The following APPBP2 variants were observed in gnomAD, a reference collection of about 807,000 sequenced individuals.
APPBP2 encodes the protein amyloid protein-binding protein 2.
Under a neutral mutation model 76.0 loss-of-function variants are expected in APPBP2, and 15 were observed. The observed-to-expected ratio is 0.20, with a 90% confidence interval of 0.13 to 0.30. APPBP2 has a LOEUF of 0.30. Among genes scored for constraint, APPBP2 ranks in the 10% least tolerant of loss-of-function variants. APPBP2 has a pLI of 1.00. For missense variants in APPBP2, 401 were observed against 687.2 expected, an observed-to-expected ratio of 0.58 and a Z score of 4.66; for synonymous variants, 222 against 242.2, an observed-to-expected ratio of 0.92 and a Z score of 0.77.
At chr17:60,520,989 C>T (rs576623842) in intron 1 of APPBP2, among the ~76,000 whole-genome samples, 101 of 152,220 alleles carry the variant, frequency 6.6e-4, no homozygotes, top group African/African-American at 2.2e-3. Flanking sequence ...TTCACAGGCA[C>T]GACCGCAGCT....
chr17:60,472,600 G>C (rs913561246), intron 4 of APPBP2, among the ~76,000 whole-genome samples: 7 of 152,184 alleles, frequency 4.6e-5, no homozygotes. Context: ...GAGGACATCA[G>C]TGTGAGAGTG....
chr17:60,447,737 A>G lies in APPBP2; in HGVS notation c.1602T>C (p.Phe534=). The G allele has an allele frequency of 6.2e-7, 1 of 1,614,162 alleles. No homozygotes were observed. ...AGTTAGACAGAACATTGTGATATTCAAACACTTTCTCGTAATTTCCAATGG... is the reference window on the plus strand; with the variant it reads ...AGTTAGACAGAACATTGTGATATTCGAACACTTTCTCGTAATTTCCAATGG... ...YNSIGNYEKV[F]EYHNVLSNWN... The change falls in exon 13 of 13, where the codon TTT becomes TTC. Residue 534 remains phenylalanine, a synonymous_variant. Transcript: ENST00000083182.
intron 12 of APPBP2, among the ~76,000 whole-genome samples, chr17:60,450,095 C>A (rs1043530384): frequency 7.9e-5 from 12 of 151,452 alleles, no homozygotes; most frequent in Non-Finnish European, 1.6e-4. Context: ...CCGTGCCTGG[C>A]TGAAAAGATT....
intron 1 of APPBP2, among the ~76,000 whole-genome samples, chr17:60,507,809 A>G (rs2090880530): frequency 1.3e-5 from 2 of 152,018 alleles, no homozygotes; most frequent in Non-Finnish European, 2.9e-5. Flanking sequence ...CATGTTTTTG[A>G]ATCAGGGTCT....
chr17:60,447,362 C>T lies in APPBP2; in HGVS notation c.*219G>A, dbSNP rs960492800. On this transcript the variant is annotated 3_prime_UTR_variant, in exon 13 of 13. Transcript: ENST00000083182. ...TGTTCTACTAGGTTGAAAATGTGGG[C>T]CAGACTACTTACACATGCGGTACAT... The T allele has an allele frequency of 7.4e-6, 3 of 404,196 alleles. No individual in the cohort carries two copies. Among genetic ancestry groups the T allele is most frequent in the Admixed American group, 4.2e-5 (1 of 23,812 alleles). 25.0% of individuals were successfully genotyped at this position (404,196 alleles called of 1,614,324 possible).
At position 60,519,446 on chromosome 17, in the gene APPBP2, C is replaced by CA. The variant is rs1187878331; in HGVS notation, c.138+6347dup. ...CAAAGTGAGATACGGTCGGTCTCTA[C>CA]AAAAAAAAAATTTTTAAGGTTTTTT... On this transcript the variant is annotated intron_variant, in intron 1 of 12. Transcript: ENST00000083182. Among the ~76,000 whole-genome samples the CA allele has an allele frequency of 6.4e-3, 951 of 148,846 alleles. 9 individuals are homozygous for CA. Among genetic ancestry groups the CA allele is most frequent in the African/African-American group, 0.022 (885 of 40,954 alleles).
intron 11 of APPBP2, among the ~76,000 whole-genome samples, chr17:60,454,061 C>G (rs1223802515): frequency 6.6e-6 from 1 of 151,984 alleles, no homozygotes; most frequent in Non-Finnish European, 1.5e-5. Flanking sequence ...CAGGGTCTCC[C>G]TATGTTGTCC....
intron 4 of APPBP2, among the ~76,000 whole-genome samples, chr17:60,467,463 C>T (rs980147956): frequency 3.9e-5 from 6 of 152,056 alleles, no homozygotes; most frequent in Non-Finnish European, 7.4e-5. Context: ...TCCAAAGAAC[C>T]AGGACTAATC....
chr17:60,485,938 G>C (rs2090673639), intron 3 of APPBP2, among the ~76,000 whole-genome samples: 1 of 152,120 alleles, frequency 6.6e-6, no homozygotes, highest in Admixed American at 6.6e-5. Flanking sequence ...CTTTATTTCT[G>C]CCTTCATTTC....
At chr17:60,521,853 A>G (rs1327787233) in intron 1 of APPBP2, among the ~76,000 whole-genome samples, 2 of 152,200 alleles carry the variant, frequency 1.3e-5, no homozygotes, top group African/African-American at 4.8e-5. Context: ...TCTTCTTCCA[A>G]TGTGGCTCAG....
chr17:60,478,257 C>T (rs148853722), intron 4 of APPBP2, among the ~76,000 whole-genome samples: 253 of 151,702 alleles, frequency 1.7e-3, no homozygotes, highest in Non-Finnish European at 3.1e-3. Context: ...TAAGAAATGC[C>T]AAATCAAATT....
intron 10 of APPBP2, among the ~76,000 whole-genome samples, chr17:60,455,783 A>T (rs1018802492): frequency 2.9e-5 from 4 of 137,282 alleles, no homozygotes; most frequent in Non-Finnish European, 5.9e-5. Context: ...TGGCTTACTG[A>T]TTTTTTTTTC....
chr17:60,461,777 G>A (rs761142979), intron 8 of APPBP2, 33 bp downstream of exon 8: 1 of 1,504,524 alleles, frequency 6.6e-7, no homozygotes, highest in South Asian at 1.2e-5. Flanking sequence ...GTCAATACAG[G>A]TTGAAAGAAA....
chr17:60,449,796 G>T (rs754394228), intron 12 of APPBP2, among the ~76,000 whole-genome samples: 13 of 151,918 alleles, frequency 8.6e-5, no homozygotes, highest in Non-Finnish European at 1.8e-4. Flanking sequence ...GGTAGAAAAA[G>T]ATTTCCATAT....
At position 60,445,012 on chromosome 17, in the gene APPBP2, A is replaced by G. The variant is rs1333352134; in HGVS notation, c.*2569T>C. On this transcript the variant is annotated 3_prime_UTR_variant, in exon 13 of 13. Coordinates refer to ENST00000083182, the MANE Select transcript of APPBP2 (RefSeq NM_006380.5). ...CTTCAAGATTTTTAAGAAACCCAAT[A>G]AATCATAGTGGCACACATCTAACTT... is the stretch of plus-strand genomic sequence containing the variant. 1 of 152,204 alleles carries G rather than the reference A, an allele frequency of 6.6e-6. No homozygotes were observed. The highest frequency in any genetic ancestry group is 1.5e-5 in the Non-Finnish European group (1 of 68,032). 9.4% of individuals were successfully genotyped at this position (152,204 alleles called of 1,614,324 possible). A position where few individuals can be genotyped will look rare whatever the true frequency, so the allele number is the denominator to read the frequency against.
At chr17:60,495,214 T>C (rs1355755314) in intron 2 of APPBP2, among the ~76,000 whole-genome samples, 1 of 151,584 alleles carries the variant, frequency 6.6e-6, no homozygotes, top group Non-Finnish European at 1.5e-5. Context: ...TCTCAATCTC[T>C]TGACCTTGTG....
In APPBP2 at chr17:60,443,714, T is replaced by G. The variant is rs926824842; in HGVS notation, c.*3867A>C. ...ACAAACCAAGTTTTCTAGATATCTA[T>G]ATATAGGATATATTTTTAATCTTAA... On this transcript the variant is annotated 3_prime_UTR_variant, in exon 13 of 13. Transcript: ENST00000083182. The G allele has an allele frequency of 2.0e-5, 3 of 152,632 alleles. No homozygotes were observed. Among genetic ancestry groups the G allele is most frequent in the Non-Finnish European group, 4.4e-5 (3 of 68,040 alleles). The allele number at this position is 152,632 out of a possible 1,614,324, so 9.5% of individuals were successfully genotyped here.
chr17:60,462,117 T>TA, intron 6 of APPBP2, 56 bp from the exon 7 acceptor site: 2 of 1,325,364 alleles, frequency 1.5e-6, no homozygotes, highest in Non-Finnish European at 2.2e-6. Context: ...TGTGCTAAAA[T>TA]ACGTGTAGTT....
chr17:60,479,010 C>T (rs1027607348), intron 4 of APPBP2, 138 bp downstream of exon 4: 1 of 785,792 alleles, frequency 1.3e-6, no homozygotes, highest in Non-Finnish European at 1.9e-6. Flanking sequence ...TGAGAGGATG[C>T]CAGACTAGTG....
Sources: gnomAD v4.1 joint callset for allele counts (sites outside exome capture counted in the v4.1 genomes callset) on GRCh38, gnomAD v4.1.1 for gene constraint, MANE v1.5 for transcripts, NCBI Gene and HGNC (gene_info 2026-07-23, HGNC 2026-07-21) for gene names.